GABRA3: variants seen among roughly 807,000 people sequenced by gnomAD.
The protein encoded by GABRA3 is gamma-aminobutyric acid type A receptor subunit alpha3, also known as gamma-aminobutyric acid receptor subunit alpha-3.
A neutral mutation model predicts 30.1 loss-of-function variants in GABRA3; 10 were observed. The observed-to-expected ratio is 0.33, with a 90% CI of 0.20 to 0.56. The LOEUF (loss-of-function observed/expected upper bound fraction) is 0.56. Ranked by LOEUF, GABRA3 falls within the 20% of genes least tolerant of loss-of-function variation. GABRA3 has a pLI of 0.89. For synonymous variants in GABRA3, 151 were observed against 146.8 expected, an observed-to-expected ratio of 1.03 and a Z score of -0.21; for missense variants, 233 against 392.0, an observed-to-expected ratio of 0.59 and a Z score of 3.42.
intron 1 of GABRA3, among the ~76,000 whole-genome samples, chrX:152,433,471 G>GA (rs2124546645): frequency 9.2e-6 from 1 of 108,151 alleles, no homozygotes; most frequent in East Asian, 2.9e-4. Context: ...AAATATAATA[G>GA]AAAAAACAGC....
chrX:152,246,240 G>C (rs1286804737), intron 5 of GABRA3, among the ~76,000 whole-genome samples: 1 of 111,463 alleles, frequency 9.0e-6, no homozygotes, highest in African/African-American at 3.3e-5. Flanking sequence ...CACTTACTTT[G>C]ACCTGTAAAT....
intron 5 of GABRA3, among the ~76,000 whole-genome samples, chrX:152,232,653 T>C (rs1938106563): frequency 9.2e-6 from 1 of 108,129 alleles, no homozygotes; most frequent in Non-Finnish European, 1.9e-5. Flanking sequence ...ATATGTAACA[T>C]TGTGTATATA....
intron 4 of GABRA3, among the ~76,000 whole-genome samples, chrX:152,262,654 A>C (rs770001030): frequency 8.9e-6 from 1 of 112,050 alleles, no homozygotes; most frequent in African/African-American, 3.2e-5. Flanking sequence ...CCATTCAATG[A>C]GTCTCTAGGA....
intron 5 of GABRA3, among the ~76,000 whole-genome samples, chrX:152,241,780 G>T (rs1254277268): frequency 4.5e-5 from 5 of 110,614 alleles, no homozygotes; most frequent in Non-Finnish European, 9.5e-5. Context: ...AGGTGCGTCC[G>T]TCACCCCTTT....
At chrX:152,421,033 C>T (rs1320058505) in intron 1 of GABRA3, among the ~76,000 whole-genome samples, 5 of 108,856 alleles carry the variant, frequency 4.6e-5, no homozygotes, top group African/African-American at 1.7e-4. Flanking sequence ...TTATAAATTA[C>T]CCAGTCTTGG....
chrX:152,435,833 A>G (rs1232599726), intron 1 of GABRA3, among the ~76,000 whole-genome samples: 1 of 111,812 alleles, frequency 8.9e-6, no homozygotes, highest in African/African-American at 3.2e-5. Flanking sequence ...AGTTCATAAG[A>G]TACAATATCA....
At chrX:152,196,408 GA>G (rs201138176) in intron 8 of GABRA3, among the ~76,000 whole-genome samples, 60 of 64,004 alleles carry the variant, frequency 9.4e-4, no homozygotes, top group South Asian at 5.5e-3. Context: ...CAAAAAAAAA[GA>G]AAAAAAAAAA....
intron 3 of GABRA3, among the ~76,000 whole-genome samples, chrX:152,320,386 C>T (rs1292679845): frequency 4.5e-5 from 5 of 112,004 alleles, no homozygotes; most frequent in Non-Finnish European, 9.4e-5. Flanking sequence ...TGGAATACTA[C>T]TCAGCCATAA....
chrX:152,222,843 A>C lies in GABRA3; in HGVS notation c.634+1920T>G, dbSNP rs780633724. ...TAGGATATAGCTCTCTAGGATTTTA[A>C]ACTAGTAGTCTAGCATGTCTTTTTT... is the stretch of plus-strand genomic sequence containing the variant. On this transcript the variant is annotated intron_variant, in intron 6 of 9. Coordinates refer to ENST00000370314, the MANE Select transcript of GABRA3 (RefSeq NM_000808.4). 2.7e-5 allele frequency among the ~76,000 whole-genome samples: 3 copies of C among 109,144 alleles called. No homozygotes were observed. In the South Asian group the frequency reaches 1.2e-3, roughly 43 times the overall value. The allele number at this position is 109,144 out of a possible 115,157, so 94.8% of individuals were successfully genotyped here.
chrX:152,324,901 T>C (rs1940027742), intron 3 of GABRA3, among the ~76,000 whole-genome samples: 1 of 111,898 alleles, frequency 8.9e-6, no homozygotes, highest in South Asian at 3.7e-4. Flanking sequence ...TAGATTTTAA[T>C]TGATCAAAAA....
intron 8 of GABRA3, among the ~76,000 whole-genome samples, chrX:152,194,941 T>A (rs1347268649): frequency 1.8e-5 from 2 of 110,082 alleles, no homozygotes; most frequent in South Asian, 4.0e-4. Context: ...AAAGAAAAAA[T>A]TTAAGAAGAG....
At chrX:152,377,480 A>G (rs189167182) in intron 1 of GABRA3, among the ~76,000 whole-genome samples, 27 of 111,491 alleles carry the variant, frequency 2.4e-4, no homozygotes, top group South Asian at 1.9e-3. Flanking sequence ...TTTGTTCTCT[A>G]AATAACACCA....
At chrX:152,274,577 T>C (rs181779852) in intron 4 of GABRA3, among the ~76,000 whole-genome samples, 184 of 111,732 alleles carry the variant, frequency 1.6e-3, no homozygotes, top group African/African-American at 5.3e-3. Flanking sequence ...AAAGAAACCT[T>C]AAAGATTATT....
At chrX:152,349,772 T>C (rs1940448507) in intron 2 of GABRA3, among the ~76,000 whole-genome samples, 1 of 81,376 alleles carries the variant, frequency 1.2e-5, no homozygotes, top group Non-Finnish European at 2.4e-5. Flanking sequence ...TAAATATATA[T>C]GCACCCAATA....
chrX:152,298,193 C>G (rs1007615904), intron 3 of GABRA3, among the ~76,000 whole-genome samples: 1 of 111,935 alleles, frequency 8.9e-6, no homozygotes, highest in African/African-American at 3.2e-5. Context: ...AGTCCTGGCT[C>G]TACTTCAAGT....
At chrX:152,201,113 G>A (rs1937478315) in intron 7 of GABRA3, among the ~76,000 whole-genome samples, 1 of 112,568 alleles carries the variant, frequency 8.9e-6, no homozygotes, top group Non-Finnish European at 1.9e-5. Context: ...GAACTTACAA[G>A]TGGACTTTTA....
chrX:152,368,103 A>G (rs1200455168), intron 1 of GABRA3, among the ~76,000 whole-genome samples: 1 of 111,960 alleles, frequency 8.9e-6, no homozygotes, highest in Admixed American at 9.5e-5. Flanking sequence ...GTGCTAAGGC[A>G]GATAATTTCT....
chrX:152,439,097 C>A (rs956799235), intron 1 of GABRA3, among the ~76,000 whole-genome samples: 1 of 105,989 alleles, frequency 9.4e-6, no homozygotes, highest in Non-Finnish European at 1.9e-5. Context: ...TTTGTAAATC[C>A]GAAACTGTTC....
At chrX:152,251,194 C>A (rs904443747) in intron 5 of GABRA3, 1 of 293,802 alleles carries the variant, frequency 3.4e-6, no homozygotes, top group Non-Finnish European at 6.6e-6. Context: ...AGAATAAGCA[C>A]AAGGGCATTC....
Sources: allele counts gnomAD v4.1 joint callset (sites outside exome capture counted in the v4.1 genomes callset), GRCh38; gene constraint gnomAD v4.1.1; transcripts MANE v1.5; gene names NCBI Gene and HGNC (gene_info 2026-07-23, HGNC 2026-07-21).